The following ABCA13 variants were observed in gnomAD, a reference collection of about 807,000 sequenced individuals.
ABCA13 encodes ATP binding cassette subfamily A member 13, also known as ATP-binding cassette sub-family A member 13.
In ABCA13, 476 loss-of-function variants were observed where a neutral mutation model predicts 478.7. The observed-to-expected ratio is 0.99, with a 90% CI of 0.92 to 1.07. ABCA13 has a LOEUF of 1.07. ABCA13 is among the 50% of genes least tolerant of loss of function. The probability of loss-of-function intolerance (pLI) is 0.00; values close to 1 mark genes in which losing one functional copy is unlikely to be tolerated. For missense variants in ABCA13, 6,060 were observed against 5,910.6 expected (o/e 1.03, Z -0.83); for synonymous variants, 2,252 against 2,158.9 (o/e 1.04, Z -1.20).
chr7:48,581,636 G>A (rs771516495), intron 56 of ABCA13, among the ~76,000 whole-genome samples: 2 of 152,144 alleles, frequency 1.3e-5, no homozygotes, highest in Non-Finnish European at 1.5e-5. Context: ...AATGTAGGTC[G>A]GTGCTTTCTG....
At chr7:48,182,326 A>T (rs1019303324) in intron 1 of ABCA13, among the ~76,000 whole-genome samples, 1 of 152,202 alleles carries the variant, frequency 6.6e-6, no homozygotes, top group Non-Finnish European at 1.5e-5. Flanking sequence ...CATATTTTAG[A>T]TACTTTCCCA....
chr7:48,607,925 G>T (rs1218203645), intron 58 of ABCA13, among the ~76,000 whole-genome samples: 1 of 152,050 alleles, frequency 6.6e-6, no homozygotes, highest in Non-Finnish European at 1.5e-5. Flanking sequence ...CTGTTGCCCA[G>T]GCTGGAGTAC....
Position 48,272,619 on chromosome 7 carries a change from T to C in ABCA13, c.2953T>C (p.Leu985=). Reference sequence around the variant, plus strand: ...GAATATTCAGAGTAGAGGCTCTTCGTTGACTTTCCTTACACAAATCTCAAA... The same window carrying C: ...GAATATTCAGAGTAGAGGCTCTTCGCTGACTTTCCTTACACAAATCTCAAA... ...LLNIQSRGSS[L]TFLTQISKHI... Residue 985 remains leucine (L), a synonymous_variant, in exon 17 of 62, where the codon TTG becomes CTG. Coordinates refer to ENST00000435803, the MANE Select transcript of ABCA13 (RefSeq NM_152701.5). 6.2e-7 allele frequency: 1 copy of C among 1,613,194 alleles called. No individual in the cohort carries two copies. Among genetic ancestry groups the C allele is most frequent in the Middle Eastern group, 1.7e-4 (1 of 6,060 alleles).
chr7:48,313,298 T>G, intron 25 of ABCA13, 67 bp downstream of exon 25: 7 of 1,487,282 alleles, frequency 4.7e-6, no homozygotes, highest in Non-Finnish European at 6.3e-6. Flanking sequence ...TTGCCCCTTT[T>G]TGCCTTTATC....
At chr7:48,544,204 A>C (rs1784608475) in intron 55 of ABCA13, among the ~76,000 whole-genome samples, 2 of 151,796 alleles carry the variant, frequency 1.3e-5, no homozygotes, top group Non-Finnish European at 2.9e-5. Flanking sequence ...GGAAATTTCC[A>C]GGTGCCATAA....
chr7:48,383,392 C>T (rs1814698939), intron 35 of ABCA13, among the ~76,000 whole-genome samples: 1 of 152,314 alleles, frequency 6.6e-6, no homozygotes, highest in South Asian at 2.1e-4. Flanking sequence ...TGTGTGCACA[C>T]ACACACGTAT....
intron 42 of ABCA13, among the ~76,000 whole-genome samples, chr7:48,441,612 C>A (rs10242000): frequency 0.3 from 45,287 of 152,076 alleles, 6,833 homozygotes; most frequent in East Asian, 0.38. Context: ...TTGTCCTTGT[C>A]TCTGCACCGC....
At chr7:48,245,682 G>A in intron 12 of ABCA13, 70 bp downstream of exon 12, 1 of 1,520,070 alleles carries the variant, frequency 6.6e-7, no homozygotes, top group Non-Finnish European at 8.9e-7. Context: ...GCAATATTCA[G>A]TTTTGCTCCT....
Position 48,389,198 on chromosome 7 carries a change from G to A in ABCA13, c.11632G>A (p.Gly3878Ser), listed in dbSNP as rs954448672. 13 of 1,613,484 alleles carry A rather than the reference G, an allele frequency of 8.1e-6. No individual in the cohort carries two copies. Among genetic ancestry groups the A allele is most frequent in the South Asian group, 1.1e-5 (1 of 91,034 alleles). Residue 3878 changes from glycine to serine, a missense_variant, in exon 37 of 62, where the codon GGT becomes AGT. By Grantham distance (56) the Gly-to-Ser change is moderately conservative (BLOSUM62 0). Around this residue, in one of 3 missense-constraint regions of ABCA13, gnomAD observed 1,627 missense variants for 1,571.0 expected, o/e 1.04. Coordinates refer to ENST00000435803, the MANE Select transcript of ABCA13 (RefSeq NM_152701.5). The part of the protein sequence containing the change: ...DQITALLGTN[G>S]AGKTTIISML... ...AATCACCGCCCTGCTGGGGACAAAC[G>A]GTGCCGGGAAAACCACTATCATGTG...
intron 35 of ABCA13, among the ~76,000 whole-genome samples, chr7:48,379,749 T>C (rs73697155): frequency 2.0e-5 from 3 of 152,170 alleles, no homozygotes; most frequent in Admixed American, 6.5e-5. Flanking sequence ...ATAACTTCAG[T>C]TGAAGTAGGA....
At chr7:48,585,500 T>C (rs902456616) in intron 56 of ABCA13, among the ~76,000 whole-genome samples, 1 of 152,176 alleles carries the variant, frequency 6.6e-6, no homozygotes, top group African/African-American at 2.4e-5. Flanking sequence ...TTGCAACATA[T>C]TTTGAAGTTG....
At chr7:48,331,165 T>A (rs745374636) in intron 27 of ABCA13, among the ~76,000 whole-genome samples, 2 of 152,238 alleles carry the variant, frequency 1.3e-5, no homozygotes, top group Non-Finnish European at 2.9e-5. Flanking sequence ...CCTAGTCACA[T>A]TCTTTTAATA....
chr7:48,575,939 A>C (rs114326773), intron 55 of ABCA13, among the ~76,000 whole-genome samples: 1 of 152,142 alleles, frequency 6.6e-6, no homozygotes, highest in African/African-American at 2.4e-5. Context: ...CTGTGCCACA[A>C]AATATTCAGA....
At chr7:48,409,233 G>C (rs1313982637) in intron 39 of ABCA13, among the ~76,000 whole-genome samples, 1 of 152,112 alleles carries the variant, frequency 6.6e-6, no homozygotes, top group Non-Finnish European at 1.5e-5. Flanking sequence ...AAGCCAATAG[G>C]GAGTGTCGAA....
At chr7:48,229,623 C>G (rs1428035476) in intron 6 of ABCA13, among the ~76,000 whole-genome samples, 6 of 152,190 alleles carry the variant, frequency 3.9e-5, no homozygotes, top group African/African-American at 1.4e-4. Context: ...CAAGAGAAGA[C>G]CTTACCTCTT....
chr7:48,283,596 T>C (rs542036488), intron 19 of ABCA13, among the ~76,000 whole-genome samples: 1 of 152,254 alleles, frequency 6.6e-6, no homozygotes, highest in African/African-American at 2.4e-5. Context: ...GGTCAATGCA[T>C]GAGGGCTGGC....
intron 38 of ABCA13, among the ~76,000 whole-genome samples, chr7:48,395,310 G>T (rs1816693377): frequency 6.6e-6 from 1 of 152,140 alleles, no homozygotes; most frequent in Admixed American, 6.5e-5. Context: ...ACTAAGAACA[G>T]ATTAGGCCAG....
chr7:48,207,146 C>G (rs1785033785), intron 3 of ABCA13, among the ~76,000 whole-genome samples: 1 of 152,142 alleles, frequency 6.6e-6, no homozygotes, highest in African/African-American at 2.4e-5. Flanking sequence ...GACAGGATGT[C>G]ATTCTTTTTT....
At chr7:48,473,679 C>G (rs1276245819) in intron 45 of ABCA13, among the ~76,000 whole-genome samples, 2 of 152,112 alleles carry the variant, frequency 1.3e-5, no homozygotes, top group African/African-American at 4.8e-5. Flanking sequence ...GTCCATATAG[C>G]GAGCTGCTTA....
Sources: gnomAD v4.1 joint callset for allele counts (sites outside exome capture counted in the v4.1 genomes callset) on GRCh38, gnomAD v4.1.1 for gene constraint, gnomAD v4.1.1 regional missense constraint, MANE v1.5 for transcripts, NCBI Gene and HGNC (gene_info 2026-07-23, HGNC 2026-07-21) for gene names.